CSMD1: variants seen among roughly 807,000 people sequenced by gnomAD.
CSMD1 encodes CUB and sushi domain-containing protein 1.
Under a neutral mutation model 417.5 loss-of-function variants are expected in CSMD1, and 213 were observed. The ratio of observed to expected loss-of-function variants is 0.51; its 90% CI spans 0.46 to 0.57. CSMD1 has a LOEUF of 0.57. CSMD1 is among the 20% of genes least tolerant of loss of function. The pLI is 0.00. For synonymous variants in CSMD1, 2,862 were observed against 1,736.8 expected, an observed-to-expected ratio of 1.65 and a Z score of -16.11; for missense variants, 6,923 against 4,529.7, an observed-to-expected ratio of 1.53 and a Z score of -15.17.
chr8:4,893,898 G>T (rs1396986941), intron 1 of CSMD1, among the ~76,000 whole-genome samples: 1 of 152,064 alleles, frequency 6.6e-6, no homozygotes, highest in Non-Finnish European at 1.5e-5. Flanking sequence ...ATTTAACCAA[G>T]GGGGCGGGGC....
In CSMD1 at chr8:4,042,815, T is replaced by TAAAAAAAAAAAAAAAAAAAAAA. The variant is rs60411612; in HGVS notation, c.416-10738_416-10717dup. 3.9e-4 allele frequency among the ~76,000 whole-genome samples: 16 copies of TAAAAAAAAAAAAAAAAAAAAAA among 41,312 alleles called. 5 individuals carry two copies. The highest frequency in any genetic ancestry group is 1.7e-3 in the South Asian group (1 of 600). 27.1% of individuals were successfully genotyped at this position (41,312 alleles called of 152,430 possible). On this transcript the variant is annotated intron_variant, in intron 3 of 69. Transcript: ENST00000635120. ...CAATAGGTGAAGTGGTACAACATAT[T>TAAAAAAAAAAAAAAAAAAAAAA]AAAAAAAAAAAAAAAAAAAAAAAAA... is the stretch of plus-strand genomic sequence containing the variant.
At chr8:3,302,450 C>T (rs1379981645) in intron 25 of CSMD1, among the ~76,000 whole-genome samples, 1 of 152,142 alleles carries the variant, frequency 6.6e-6, no homozygotes. Flanking sequence ...GCTATTTCTC[C>T]TGTAATTCCA....
intron 2 of CSMD1, among the ~76,000 whole-genome samples, chr8:4,438,995 G>T (rs1428454773): frequency 6.6e-6 from 1 of 152,084 alleles, no homozygotes; most frequent in Non-Finnish European, 1.5e-5. Context: ...GACGTTTGGG[G>T]CAAATTTTCA....
intron 3 of CSMD1, among the ~76,000 whole-genome samples, chr8:4,279,135 C>T (rs7011065): frequency 1.3e-5 from 2 of 152,028 alleles, no homozygotes; most frequent in African/African-American, 4.8e-5. Context: ...TGAGCATCTC[C>T]GTTTAGACGT....
At chr8:4,783,726 G>A (rs1797269247) in intron 1 of CSMD1, among the ~76,000 whole-genome samples, 1 of 152,166 alleles carries the variant, frequency 6.6e-6, no homozygotes, top group Non-Finnish European at 1.5e-5. Flanking sequence ...AACTTGAGTG[G>A]AAACTGCAAG....
intron 5 of CSMD1, among the ~76,000 whole-genome samples, chr8:3,758,032 C>G (rs1445416631): frequency 6.6e-6 from 1 of 152,102 alleles, no homozygotes; most frequent in Non-Finnish European, 1.5e-5. Context: ...GGCACAATCT[C>G]AGCTCGCTGC....
At chr8:3,685,431 A>G (rs1799896817) in intron 7 of CSMD1, among the ~76,000 whole-genome samples, 1 of 152,166 alleles carries the variant, frequency 6.6e-6, no homozygotes, top group South Asian at 2.1e-4. Flanking sequence ...TGAGATCACG[A>G]TTACTGCCAA....
At chr8:3,079,697 C>T (rs755428269) in intron 49 of CSMD1, among the ~76,000 whole-genome samples, 1 of 152,082 alleles carries the variant, frequency 6.6e-6, no homozygotes, top group African/African-American at 2.4e-5. Context: ...GAAAGATGCC[C>T]TCTCTGTGGG....
In CSMD1 at chr8:3,529,620, A is replaced by G. The variant is rs530066566; in HGVS notation, c.1345-35894T>C. On this transcript the variant is annotated intron_variant, in intron 10 of 69. Transcript: ENST00000635120. Reference sequence around the variant, plus strand: ...CACATCTTCTGACGCCTAGTTCGTGATTTGTCAAAAGTATAGTGTTTGCTT... The same window carrying G: ...CACATCTTCTGACGCCTAGTTCGTGGTTTGTCAAAAGTATAGTGTTTGCTT... Among the ~76,000 whole-genome samples, 11 of 152,324 alleles carry G rather than the reference A, an allele frequency of 7.2e-5. No individual in the cohort carries two copies. The East Asian group carries it at 2.1e-3, about 29-fold the overall frequency.
At chr8:3,853,261 G>C (rs577603804) in intron 5 of CSMD1, among the ~76,000 whole-genome samples, 19 of 152,310 alleles carry the variant, frequency 1.2e-4, no homozygotes, top group African/African-American at 4.3e-4. Flanking sequence ...AGGCTCAGGA[G>C]AAAGCTGTGA....
intron 12 of CSMD1, among the ~76,000 whole-genome samples, chr8:3,464,200 C>T (rs1278232087): frequency 6.6e-6 from 1 of 152,034 alleles, no homozygotes; most frequent in Non-Finnish European, 1.5e-5. Context: ...GTGATGAACT[C>T]GAACCGAATT....
rs1468298530 is a variant in CSMD1 at position 3,406,130 on chromosome 8, G to C, written c.2163C>G (p.Phe721Leu). The change falls in exon 15 of 70, where the codon TTC (phenylalanine) becomes TTG (leucine). Residue 721 changes from phenylalanine (F) to leucine (L), a missense_variant. Physicochemically the swap from Phe to Leu is conservative, Grantham distance 22. Transcript: ENST00000635120. ...DRFLLGSSVS[F>L]HCDDGFVKTQ... is the part of the protein sequence containing the mutation. ...TCTTGACAAAGCCATCATCACAGTG[G>C]AAAGAAACCGAGCTCCCGAGTAGAA... The C allele has an allele frequency of 1.2e-6, 2 of 1,613,880 alleles. No individual in the cohort carries two copies. The highest frequency in any genetic ancestry group is 1.7e-6 in the Non-Finnish European group (2 of 1,179,872).
chr8:4,419,216 T>A (rs1340896778), intron 3 of CSMD1, among the ~76,000 whole-genome samples: 1 of 152,162 alleles, frequency 6.6e-6, no homozygotes, highest in Non-Finnish European at 1.5e-5. Context: ...AGAGTTTCTG[T>A]TACAGACAGT....
intron 26 of CSMD1, among the ~76,000 whole-genome samples, chr8:3,262,231 A>ATATATATATATAT (rs1801134855): frequency 1.1e-5 from 1 of 89,902 alleles, no homozygotes; most frequent in African/African-American, 4.5e-5. Flanking sequence ...ATATATATAT[A>ATATATATATATAT]CACACACATA....
intron 1 of CSMD1, among the ~76,000 whole-genome samples, chr8:4,817,306 G>A (rs1420561124): frequency 2.0e-5 from 3 of 152,152 alleles, no homozygotes; most frequent in Admixed American, 6.5e-5. Context: ...ATACATTAAG[G>A]TGGCTATTAT....
Position 3,730,368 on chromosome 8 carries a change from C to T in CSMD1, c.932-21877G>A, listed in dbSNP as rs7843037. Among the ~76,000 whole-genome samples the T allele has an allele frequency of 9.9e-5, 5 of 50,282 alleles. No individual in the cohort carries two copies. The East Asian group carries it at 4.1e-3, about 42-fold the overall frequency. 33.0% of individuals were successfully genotyped at this position (50,282 alleles called of 152,430 possible). A position where few individuals can be genotyped will look rare whatever the true frequency, so the allele number is the denominator to read the frequency against. On this transcript the variant is annotated intron_variant, in intron 6 of 69. Transcript: ENST00000635120. ...CATGCTCCCAAAAAAATTTAAGGAG[C>T]GATTTTTTTTTTTTTTTTGCCCTGT...
intron 1 of CSMD1, among the ~76,000 whole-genome samples, chr8:4,894,418 G>T (rs1043230294): frequency 6.6e-6 from 1 of 151,322 alleles, no homozygotes; most frequent in South Asian, 2.1e-4. Context: ...CCCATTTCAG[G>T]TTATGTATTT....
At chr8:3,517,504 A>C (rs1311419233) in intron 10 of CSMD1, among the ~76,000 whole-genome samples, 1 of 152,214 alleles carries the variant, frequency 6.6e-6, no homozygotes, top group Non-Finnish European at 1.5e-5. Flanking sequence ...AAATACTTAG[A>C]AAATGTCAGG....
At chr8:3,834,935 G>A (rs1000289082) in intron 5 of CSMD1, among the ~76,000 whole-genome samples, 12 of 152,068 alleles carry the variant, frequency 7.9e-5, no homozygotes, top group African/African-American at 2.2e-4. Context: ...CTCAAAAGAA[G>A]ACATTTAGGC....
Sources: allele counts gnomAD v4.1 joint callset (sites outside exome capture counted in the v4.1 genomes callset), GRCh38; gene constraint gnomAD v4.1.1; transcripts MANE v1.5; gene names NCBI Gene and HGNC (gene_info 2026-07-23, HGNC 2026-07-21).